Variants in MEGF6 observed in about 807,000 individuals in gnomAD.
MEGF6 encodes the protein multiple EGF like domains 6.
Under a neutral mutation model 207.1 loss-of-function variants are expected in MEGF6, and 184 were observed. The observed-to-expected ratio is 0.89, with a 90% CI of 0.79 to 1.00. MEGF6 has a LOEUF of 1.00. Ranked by LOEUF, MEGF6 falls within the 50% of genes least tolerant of loss-of-function variation. The probability of loss-of-function intolerance (pLI) is 0.00; values close to 1 mark genes in which losing one functional copy is unlikely to be tolerated. For missense variants in MEGF6, 2,282 were observed against 2,202.9 expected (o/e 1.04, Z -0.72); for synonymous variants, 1,038 against 910.0 (o/e 1.14, Z -2.53).
At chr1:3,622,721 G>A in the MEGF6 span, among the ~76,000 whole-genome samples, 1 of 152,138 alleles carries the variant, frequency 6.6e-6, no homozygotes, top group South Asian at 2.1e-4. Context: ...GAGGGAGCAT[G>A]GCCCTGCACA....
intron 23 of MEGF6, 113 bp downstream of exon 23, chr1:3,499,475 G>T (rs1158225946): frequency 2.0e-6 from 3 of 1,479,250 alleles, no homozygotes; most frequent in Non-Finnish European, 2.7e-6. Context: ...TCACTCTCAG[G>T]GGGGTTGCCT....
intron 5 of MEGF6, among the ~76,000 whole-genome samples, chr1:3,523,302 G>A (rs1464121910): frequency 6.6e-6 from 1 of 152,198 alleles, no homozygotes; most frequent in Non-Finnish European, 1.5e-5. Context: ...AGCCAGCCAG[G>A]AGCAGGGGTG....
chr1:3,513,205 G>GTTTATTTA (rs373887857), intron 7 of MEGF6, among the ~76,000 whole-genome samples: 15 of 151,946 alleles, frequency 9.9e-5, no homozygotes, highest in African/African-American at 2.9e-4. Flanking sequence ...TATTTTACTT[G>GTTTATTTA]TTTATTTATT....
intron 4 of MEGF6, among the ~76,000 whole-genome samples, chr1:3,524,626 C>T (rs1641891707): frequency 6.6e-6 from 1 of 152,160 alleles, no homozygotes; most frequent in African/African-American, 2.4e-5. Context: ...ACCCACAAGC[C>T]CAAAAAGAGA....
At chr1:3,549,368 A>T (rs1410335829) in intron 4 of MEGF6, among the ~76,000 whole-genome samples, 1 of 152,220 alleles carries the variant, frequency 6.6e-6, no homozygotes, top group Non-Finnish European at 1.5e-5. Flanking sequence ...GGCCACAGGC[A>T]GACCAGGGCC....
Position 3,494,367 on chromosome 1 carries a change from T to C in MEGF6, c.4129+4A>G. ...CAGCCCAGCTGCACAGGCCCCCAAC[T>C]CACGGTGCTCGCAGGCCTGGCCATA... On this transcript the variant is annotated splice_donor_region_variant and intron_variant, in intron 32 of 36. Transcript: ENST00000356575. 1 of 1,540,104 alleles carries C rather than the reference T, an allele frequency of 6.5e-7. No homozygotes were observed. The highest frequency in any genetic ancestry group is 1.2e-5 in the South Asian group (1 of 84,026).
At chr1:3,561,722 G>A (rs1466137390) in intron 4 of MEGF6, among the ~76,000 whole-genome samples, 2 of 152,228 alleles carry the variant, frequency 1.3e-5, no homozygotes, top group South Asian at 2.1e-4. Flanking sequence ...CAGAAAACAC[G>A]GGGTGGGGTG....
intron 4 of MEGF6, among the ~76,000 whole-genome samples, chr1:3,546,469 G>C (rs61548507): frequency 0.042 from 6,394 of 152,340 alleles, 365 homozygotes; most frequent in East Asian, 0.25. Context: ...TGGGTGAGGA[G>C]TACCCCGAGT....
chr1:3,503,008 G>A (rs1169253912), intron 17 of MEGF6, among the ~76,000 whole-genome samples: 3 of 152,306 alleles, frequency 2.0e-5, no homozygotes, highest in South Asian at 2.1e-4. Flanking sequence ...CAGAGACCCC[G>A]TGCTGCATGC....
chr1:3,612,274 T>C (rs532068156), upstream of MEGF6, among the ~76,000 whole-genome samples: 174 of 151,986 alleles, frequency 1.1e-3, 1 homozygote, highest in African/African-American at 4.1e-3. Flanking sequence ...GAGGAGGCGC[T>C]AATTTCTAGG....
intron 4 of MEGF6, among the ~76,000 whole-genome samples, chr1:3,557,012 G>T: frequency 6.6e-6 from 1 of 152,196 alleles, no homozygotes; most frequent in East Asian, 1.9e-4. Context: ...AAGGCAGGAG[G>T]GAAGGTCGGA....
chr1:3,569,045 T>C (rs1476161851), intron 4 of MEGF6, among the ~76,000 whole-genome samples: 1 of 152,214 alleles, frequency 6.6e-6, no homozygotes, highest in Non-Finnish European at 1.5e-5. Context: ...GGTACGGGTC[T>C]GCCAGAGGCC....
Position 3,595,461 on chromosome 1 carries a change from G to C in MEGF6, c.267-14C>G. ...TAGTAGACGGTTCTAGAAAGAAAGA[G>C]AGAAGGGAAGTGCTTACCGTCGCGG... On this transcript the variant is annotated splice_polypyrimidine_tract_variant and intron_variant, in intron 2 of 36. Transcript: ENST00000356575. 2 of 1,602,548 alleles carry C rather than the reference G, an allele frequency of 1.2e-6. No homozygotes were observed. The highest frequency in any genetic ancestry group is 2.2e-5 in the South Asian group (2 of 90,856).
At chr1:3,559,590 A>G (rs2101632821) in intron 4 of MEGF6, among the ~76,000 whole-genome samples, 1 of 151,688 alleles carries the variant, frequency 6.6e-6, no homozygotes, top group South Asian at 2.1e-4. Flanking sequence ...CACACTTACA[A>G]ACCCAGTGGC....
intron 26 of MEGF6, chr1:3,497,709 G>A (rs1263744516): frequency 4.4e-6 from 2 of 457,318 alleles, no homozygotes; most frequent in Non-Finnish European, 8.2e-6. Flanking sequence ...ACAGCAGCCG[G>A]GGCTCAGCAC....
rs1182652457 is a variant in MEGF6, at chr1:3,490,403, C to T, written c.*125G>A. ...TTGCTGGGCTGTCCACAGCCCTCCA[C>T]GGCCCTCAAAGGAAGGGCAGTACCA... On this transcript the variant is annotated 3_prime_UTR_variant, in exon 37 of 37. Coordinates refer to ENST00000356575, the MANE Select transcript of MEGF6 (RefSeq NM_001409.4). 22 of 1,082,432 alleles carry T rather than the reference C, an allele frequency of 2.0e-5. No homozygotes were observed. Among genetic ancestry groups the T allele is most frequent in the South Asian group, 2.8e-5 (2 of 71,640 alleles). 67.1% of individuals were successfully genotyped at this position (1,082,432 alleles called of 1,614,324 possible). A position where few individuals can be genotyped will look rare whatever the true frequency, so the allele number is the denominator to read the frequency against.
chr1:3,491,893 G>A (rs1640387241), intron 35 of MEGF6, among the ~76,000 whole-genome samples: 1 of 151,794 alleles, frequency 6.6e-6, no homozygotes, highest in Non-Finnish European at 1.5e-5. Flanking sequence ...TGAAGGTGGT[G>A]CTAAGGAGCC....
intron 11 of MEGF6, among the ~76,000 whole-genome samples, chr1:3,509,561 A>G (rs1325813170): frequency 6.6e-6 from 1 of 151,810 alleles, no homozygotes; most frequent in Admixed American, 6.6e-5. Flanking sequence ...CCCAGGGACA[A>G]CATCACCTTA....
In MEGF6 at chr1:3,515,462, G is replaced by T. The variant is rs555117408; in HGVS notation, c.670C>A (p.Arg224=). 13 of 1,612,736 alleles carry T rather than the reference G, an allele frequency of 8.1e-6. No homozygotes were observed. Among genetic ancestry groups the T allele is most frequent in the African/African-American group, 1.3e-5 (1 of 75,070 alleles). The part of the protein sequence containing the change: ...QHHCVQLTIT[R]HRCQCRPGFQ... ...CCGGGCCGGCACTGGCAGCGATGCC[G>T]AGTGATTGTGAGCTGGACACAGTGG... The change falls in exon 6 of 37, where the codon CGG becomes AGG. Residue 224 remains arginine (R), a synonymous_variant. Transcript: ENST00000356575.
Sources: allele counts gnomAD v4.1 joint callset (sites outside exome capture counted in the v4.1 genomes callset), GRCh38; gene constraint gnomAD v4.1.1; transcripts MANE v1.5; gene names NCBI Gene and HGNC (gene_info 2026-07-23, HGNC 2026-07-21).